The following GSG1L variants were observed in gnomAD, a reference collection of about 807,000 sequenced individuals.
The protein encoded by GSG1L is germ cell-specific gene 1-like protein.
A neutral mutation model predicts 42.1 loss-of-function variants in GSG1L; 24 were observed. That is an observed-to-expected ratio of 0.57 (90% CI 0.41 to 0.80). The LOEUF is 0.80. Among genes scored for constraint, GSG1L ranks in the 30% least tolerant of loss-of-function variants. The pLI, the probability that GSG1L is intolerant of heterozygous loss-of-function variation, is 0.00. For synonymous variants in GSG1L, 215 were observed against 203.5 expected (o/e 1.06, Z -0.48); for missense variants, 445 against 472.2 (o/e 0.94, Z 0.53).
At chr16:27,806,499 A>G (rs1015465353) in intron 6 of GSG1L, among the ~76,000 whole-genome samples, 5 of 152,184 alleles carry the variant, frequency 3.3e-5, no homozygotes, top group Non-Finnish European at 7.3e-5. Flanking sequence ...AGAGAGGAAA[A>G]GTGGGACAGG....
chr16:27,986,959 G>A (rs530268303), intron 1 of GSG1L, among the ~76,000 whole-genome samples: 2 of 152,344 alleles, frequency 1.3e-5, no homozygotes, highest in African/African-American at 4.8e-5. Flanking sequence ...GCTCACGCCT[G>A]TAATCCCAGC....
intron 1 of GSG1L, among the ~76,000 whole-genome samples, chr16:28,001,329 G>A (rs756255997): frequency 2.0e-5 from 3 of 152,188 alleles, no homozygotes; most frequent in Non-Finnish European, 2.9e-5. Flanking sequence ...GCTCCCACCA[G>A]CCTGTGACGT....
chr16:27,847,619 C>G (rs1354876734), intron 3 of GSG1L, among the ~76,000 whole-genome samples: 11 of 152,198 alleles, frequency 7.2e-5, no homozygotes, highest in Non-Finnish European at 5.9e-5. Context: ...TGTGTCCCCA[C>G]CCAAATCTCT....
At chr16:27,848,961 C>T (rs759778225) in intron 3 of GSG1L, among the ~76,000 whole-genome samples, 1 of 151,864 alleles carries the variant, frequency 6.6e-6, no homozygotes, top group African/African-American at 2.4e-5. Flanking sequence ...TTTGGGAGGC[C>T]GAGGCAGGTG....
chr16:27,955,551 T>C (rs1277415498), intron 2 of GSG1L, among the ~76,000 whole-genome samples: 1 of 152,190 alleles, frequency 6.6e-6, no homozygotes, highest in Non-Finnish European at 1.5e-5. Context: ...GAGCAGCCAA[T>C]CCTTCCCAAA....
At chr16:27,818,250 G>A (rs1222406964) in intron 5 of GSG1L, among the ~76,000 whole-genome samples, 1 of 152,210 alleles carries the variant, frequency 6.6e-6, no homozygotes, top group East Asian at 1.9e-4. Context: ...AAGAAAGCAT[G>A]AAAGTTCAGG....
At chr16:27,811,789 C>CTT (rs2083034547) in intron 5 of GSG1L, among the ~76,000 whole-genome samples, 1 of 152,226 alleles carries the variant, frequency 6.6e-6, no homozygotes, top group Non-Finnish European at 1.5e-5. Flanking sequence ...TCTGGAATTA[C>CTT]AGGTGTGTGC....
intron 2 of GSG1L, among the ~76,000 whole-genome samples, chr16:27,942,860 T>C (rs1227729192): frequency 1.3e-5 from 2 of 152,094 alleles, no homozygotes; most frequent in African/African-American, 4.8e-5. Flanking sequence ...ATAGAAAACT[T>C]AATAATGTTG....
intron 3 of GSG1L, among the ~76,000 whole-genome samples, chr16:27,846,340 G>C (rs563458219): frequency 6.6e-6 from 1 of 152,222 alleles, no homozygotes; most frequent in East Asian, 1.9e-4. Context: ...GAAGGGTGTT[G>C]ACCCCTTTCT....
chr16:27,827,927 ATC>A (rs2083231265), intron 5 of GSG1L, among the ~76,000 whole-genome samples: 1 of 88,940 alleles, frequency 1.1e-5, no homozygotes, highest in Non-Finnish European at 2.6e-5. Flanking sequence ...TCCACCACTC[ATC>A]CATCCATCCA....
intron 6 of GSG1L, among the ~76,000 whole-genome samples, chr16:27,793,961 C>A (rs1019400742): frequency 6.6e-6 from 1 of 152,196 alleles, no homozygotes; most frequent in African/African-American, 2.4e-5. Flanking sequence ...AGAGACAGTG[C>A]CAATTGTTAC....
Position 28,040,286 on chromosome 16 carries a change from G to T in GSG1L, c.349+22790C>A, listed in dbSNP as rs2086091899. On this transcript the variant is annotated intron_variant, in intron 1 of 6. Transcript: ENST00000447459. This position sits in a 1 kb window ranked among gnomAD's most constrained non-coding sequence, Gnocchi z 4.1. ...AGGCTCTTTCTCCAGATCTCCACAG[G>T]GAGGCTCCTTTTTGACATTCCATTC... Among the ~76,000 whole-genome samples, 1 of 152,080 alleles carries T rather than the reference G, an allele frequency of 6.6e-6. No individual in the cohort carries two copies. The highest frequency in any genetic ancestry group is 2.1e-4 in the South Asian group (1 of 4,824).
At chr16:28,005,360 C>T (rs2085627048) in intron 1 of GSG1L, among the ~76,000 whole-genome samples, 1 of 152,146 alleles carries the variant, frequency 6.6e-6, no homozygotes, top group African/African-American at 2.4e-5. Flanking sequence ...GTGATCTGCC[C>T]TCCTCCGCCT....
intron 3 of GSG1L, among the ~76,000 whole-genome samples, chr16:27,867,198 C>T (rs1440380354): frequency 1.3e-5 from 2 of 152,078 alleles, no homozygotes; most frequent in East Asian, 3.9e-4. Context: ...GGAATAGACG[C>T]CCACCCAGAT....
chr16:27,861,659 G>A (rs1024667065), intron 3 of GSG1L, among the ~76,000 whole-genome samples: 5 of 152,060 alleles, frequency 3.3e-5, no homozygotes, highest in African/African-American at 1.2e-4. Flanking sequence ...CTCCATCCCT[G>A]ACCTCACTTC....
At chr16:28,021,268 G>GC (rs2085839824) in intron 1 of GSG1L, among the ~76,000 whole-genome samples, 1 of 152,058 alleles carries the variant, frequency 6.6e-6, no homozygotes, top group African/African-American at 2.4e-5. Flanking sequence ...TTATCAGGTG[G>GC]CAAGTGATAA....
intron 6 of GSG1L, among the ~76,000 whole-genome samples, chr16:27,797,102 C>T (rs1023234088): frequency 6.6e-6 from 1 of 152,120 alleles, no homozygotes; most frequent in South Asian, 2.1e-4. Context: ...GTGAGGAAAC[C>T]GAGGTCCAGA....
intron 2 of GSG1L, among the ~76,000 whole-genome samples, chr16:27,888,718 A>G (rs1354358492): frequency 6.6e-6 from 1 of 151,102 alleles, no homozygotes; most frequent in Non-Finnish European, 1.5e-5. Context: ...CCCAGGTTCA[A>G]GCAATTCTCC....
intron 1 of GSG1L, among the ~76,000 whole-genome samples, chr16:27,990,179 C>T (rs1041363123): frequency 6.6e-6 from 1 of 151,988 alleles, no homozygotes; most frequent in Non-Finnish European, 1.5e-5. Flanking sequence ...TTGTTTGAAC[C>T]ATTGTTGTTT....
Sources: gnomAD v4.1 joint callset for allele counts (sites outside exome capture counted in the v4.1 genomes callset) on GRCh38, gnomAD v4.1.1 for gene constraint, Gnocchi (gnomAD v3.1) non-coding constraint, MANE v1.5 for transcripts, NCBI Gene and HGNC (gene_info 2026-07-23, HGNC 2026-07-21) for gene names.